The following PPP2R1B variants were observed in gnomAD, a reference collection of about 807,000 sequenced individuals.
PPP2R1B encodes protein phosphatase 2 scaffold subunit Abeta, also known as serine/threonine-protein phosphatase 2A 65 kDa regulatory subunit A beta isoform.
PPP2R1B carries 58 observed loss-of-function variants against 72.7 expected under a neutral mutation model. That is an observed-to-expected ratio of 0.80 (90% confidence interval 0.65 to 0.99). The LOEUF (loss-of-function observed/expected upper bound fraction) is 0.99, where lower values mean the gene tolerates loss of function less well. Ranked by LOEUF, PPP2R1B falls within the 50% of genes least tolerant of loss-of-function variation. The pLI is 0.00. For missense variants in PPP2R1B, 695 were observed against 733.6 expected, an observed-to-expected ratio of 0.95 and a Z score of 0.61; for synonymous variants, 256 against 264.6, an observed-to-expected ratio of 0.97 and a Z score of 0.32.
chr11:111,719,222 C>T, the PPP2R1B span, among the ~76,000 whole-genome samples: 1 of 152,196 alleles, frequency 6.6e-6, no homozygotes, highest in South Asian at 2.1e-4. Flanking sequence ...TCTTACTTTC[C>T]ATTCCCCAGG....
At chr11:111,719,785 G>T in the PPP2R1B span, 1 of 1,613,142 alleles carries the variant, frequency 6.2e-7, no homozygotes, top group Non-Finnish European at 8.5e-7. Context: ...GTCAATGGCT[G>T]TCTGCTTGAC....
At chr11:111,737,721 G>C (rs1565425743), downstream of PPP2R1B, 3 of 1,424,316 alleles carry the variant, frequency 2.1e-6, no homozygotes, top group Non-Finnish European at 2.8e-6. Flanking sequence ...ACTGGGCAGA[G>C]AAAGCTGGGG....
chr11:111,713,242 T>C, the PPP2R1B span, among the ~76,000 whole-genome samples: 1 of 152,234 alleles, frequency 6.6e-6, no homozygotes, highest in Non-Finnish European at 1.5e-5. Flanking sequence ...AGATGACAGC[T>C]TCTCTCATTC....
chr11:111,749,275 TTTGTTG>T (rs59554766), intron 10 of PPP2R1B, among the ~76,000 whole-genome samples: 1,587 of 151,736 alleles, frequency 0.01, 43 homozygotes, highest in African/African-American at 0.036. Context: ...TATTTTCCAG[TTTGTTG>T]TTGTTGTTGT....
At chr11:111,748,904 T>C (rs1270727726) in intron 10 of PPP2R1B, among the ~76,000 whole-genome samples, 2 of 152,106 alleles carry the variant, frequency 1.3e-5, no homozygotes, top group Non-Finnish European at 2.9e-5. Context: ...TGGAGTACAG[T>C]GGCACAATCT....
chr11:111,693,648 A>T, the PPP2R1B span, among the ~76,000 whole-genome samples: 45 of 152,362 alleles, frequency 3.0e-4, no homozygotes, highest in East Asian at 8.1e-3. Flanking sequence ...TCTATGAATT[A>T]ATCACACGTC....
downstream of PPP2R1B, chr11:111,737,740 G>A (rs887104936): frequency 7.4e-7 from 1 of 1,348,642 alleles, no homozygotes; most frequent in South Asian, 1.5e-5. Flanking sequence ...GGCAGCCCAG[G>A]GTCGTGCTGA....
At chr11:111,730,833 TA>T (rs1591661936) in intron 15 of PPP2R1B, 1 of 152,190 alleles carries the variant, frequency 6.6e-6, no homozygotes, top group East Asian at 1.9e-4. Flanking sequence ...TGAATTAAAA[TA>T]AAAACAACTT....
At chr11:111,697,888 T>C in the PPP2R1B span, among the ~76,000 whole-genome samples, 1 of 152,126 alleles carries the variant, frequency 6.6e-6, no homozygotes, top group Non-Finnish European at 1.5e-5. Context: ...CGTGAGTCTA[T>C]GGTCCCAGCT....
downstream of PPP2R1B, chr11:111,726,648 G>A: frequency 2.8e-6 from 1 of 356,352 alleles, no homozygotes. Context: ...GATCACCTGT[G>A]CTGCTCTGTC....
chr11:111,743,684 G>A (rs1457480032), intron 11 of PPP2R1B, among the ~76,000 whole-genome samples, 154 bp from the exon 12 acceptor site: 4 of 152,168 alleles, frequency 2.6e-5, no homozygotes, highest in African/African-American at 9.7e-5. Context: ...AGCATGCTCA[G>A]CTCCAACTCA....
the PPP2R1B span, among the ~76,000 whole-genome samples, chr11:111,690,745 G>A: frequency 6.6e-6 from 1 of 152,122 alleles, no homozygotes. Flanking sequence ...TGCTGAGGAT[G>A]ATGGTTTCCA....
At chr11:111,729,559 T>TG (rs1009870052) in intron 15 of PPP2R1B, 2 of 152,308 alleles carry the variant, frequency 1.3e-5, no homozygotes, top group African/African-American at 4.8e-5. Flanking sequence ...GCGCTTGGGT[T>TG]GACTGGCTTC....
intron 5 of PPP2R1B, among the ~76,000 whole-genome samples, chr11:111,759,598 T>G (rs1196826279): frequency 6.6e-6 from 1 of 152,216 alleles, no homozygotes; most frequent in Non-Finnish European, 1.5e-5. Context: ...TTTTAACAGC[T>G]GCTAATGTAA....
At chr11:111,755,230 G>A in intron 6 of PPP2R1B, 65 bp downstream of exon 6, 1 of 1,545,818 alleles carries the variant, frequency 6.5e-7, no homozygotes, top group Non-Finnish European at 8.7e-7. Flanking sequence ...AGAAACTTTG[G>A]GTACAACAGC....
At chr11:111,698,363 T>C in the PPP2R1B span, among the ~76,000 whole-genome samples, 2 of 152,236 alleles carry the variant, frequency 1.3e-5, no homozygotes, top group South Asian at 2.1e-4. Context: ...GACAGGCCTC[T>C]GTCCCATTCA....
the PPP2R1B span, among the ~76,000 whole-genome samples, chr11:111,698,739 C>T: frequency 6.6e-6 from 1 of 152,150 alleles, no homozygotes; most frequent in Non-Finnish European, 1.5e-5. Flanking sequence ...AGAAAAACAA[C>T]CTTACCAGTG....
At chr11:111,725,515 T>C (rs1004705392), downstream of PPP2R1B, 1 of 152,618 alleles carries the variant, frequency 6.6e-6, no homozygotes, top group African/African-American at 2.4e-5. Context: ...AATTTGCCAT[T>C]TGGACAGTTA....
At chr11:111,703,274 G>A in the PPP2R1B span, 1 of 1,614,168 alleles carries the variant, frequency 6.2e-7, no homozygotes, top group Non-Finnish European at 8.5e-7. Context: ...CCAAATCAAG[G>A]AGCATAAATG....
Sources: allele counts gnomAD v4.1 joint callset (sites outside exome capture counted in the v4.1 genomes callset), GRCh38; gene constraint gnomAD v4.1.1; transcripts MANE v1.5; gene names NCBI Gene and HGNC (gene_info 2026-07-23, HGNC 2026-07-21).